The following DNAH11 variants were observed in gnomAD, a reference collection of about 807,000 sequenced individuals.
DNAH11 encodes the protein axonemal beta dynein heavy chain 11.
Under a neutral mutation model 526.0 loss-of-function variants are expected in DNAH11, and 442 were observed. The ratio of observed to expected loss-of-function variants is 0.84; its 90% CI spans 0.78 to 0.91. DNAH11 has a LOEUF of 0.91. DNAH11 is among the 40% of genes least tolerant of loss of function. The pLI is 0.00. For missense variants in DNAH11, 6,989 were observed against 5,448.7 expected (o/e 1.28, Z -8.90); for synonymous variants, 2,461 against 1,935.9 (o/e 1.27, Z -7.12).
chr7:21,671,310 A>G (rs557322842), intron 30 of DNAH11, among the ~76,000 whole-genome samples: 112 of 152,288 alleles, frequency 7.4e-4, no homozygotes, highest in South Asian at 2.3e-3. Context: ...GTCTGTGGCT[A>G]TTTTCACATC....
In DNAH11 at chr7:21,749,764, G is replaced by C; in HGVS notation, c.8760G>C (p.Glu2920Asp). The C allele has an allele frequency of 6.2e-7, 1 of 1,613,980 alleles. No homozygotes were observed. The highest frequency in any genetic ancestry group is 8.5e-7 in the Non-Finnish European group (1 of 1,179,870). ...FLLTDAQVLD[E>D]SFLVLINDLL... ...TGACAGATGCCCAGGTTCTAGATGA[G>C]AGCTTCCTCGTGCTGATTAATGACT... The change falls in exon 53 of 82, where the codon GAG becomes GAC. Residue 2920 changes from glutamate to aspartate, a missense_variant. By Grantham distance (45) the Glu-to-Asp change is conservative (BLOSUM62 2). Transcript: ENST00000409508.
chr7:21,589,156 G>T (rs879152597), intron 11 of DNAH11, 52 bp from the exon 12 acceptor site: 1 of 1,353,544 alleles, frequency 7.4e-7, no homozygotes, highest in Non-Finnish European at 1.0e-6. Flanking sequence ...ATTATTAAGC[G>T]GAAATCTATC....
chr7:21,889,284 T>G (rs890918540), intron 76 of DNAH11, among the ~76,000 whole-genome samples: 1 of 152,266 alleles, frequency 6.6e-6, no homozygotes, highest in East Asian at 1.9e-4. Flanking sequence ...CACATTTTGT[T>G]TATCTCATCT....
At chr7:21,876,737 TG>T (rs903816147) in intron 74 of DNAH11, among the ~76,000 whole-genome samples, 23 of 152,208 alleles carry the variant, frequency 1.5e-4, no homozygotes, top group African/African-American at 4.8e-4. Flanking sequence ...GACAGGAGGA[TG>T]GAAGAAGAAA....
In DNAH11 at chr7:21,880,763, A is replaced by G; in HGVS notation, c.12257A>G (p.Tyr4086Cys). Residue 4086 changes from tyrosine (Y) to cysteine (C), a missense_variant, in exon 75 of 82, where the codon TAC (tyrosine) becomes TGC (cysteine). By Grantham distance (194) the Tyr-to-Cys change is radical. Coordinates refer to ENST00000409508, the MANE Select transcript of DNAH11 (RefSeq NM_001277115.2). ...AAAAGCATCCTTTTTTCTCTCTGCT[A>G]CTTCCACGCCTGTGTTGCTGGGAGA... ...EFKSILFSLC[Y>C]FHACVAGRLR... is the part of the protein sequence containing the mutation. 2 of 1,613,980 alleles carry G rather than the reference A, an allele frequency of 1.2e-6. No individual in the cohort carries two copies. The highest frequency in any genetic ancestry group is 1.1e-5 in the South Asian group (1 of 91,082).
chr7:21,805,063 C>T (rs1789199859), intron 62 of DNAH11, among the ~76,000 whole-genome samples: 1 of 152,274 alleles, frequency 6.6e-6, no homozygotes, highest in Non-Finnish European at 1.5e-5. Flanking sequence ...ATCACTGGCT[C>T]TTCACTTTGT....
rs776376992 is a variant in DNAH11 at position 21,559,608 on chromosome 7, C to T, written c.698C>T (p.Pro233Leu). The T allele has an allele frequency of 1.1e-4, 182 of 1,599,630 alleles. No homozygotes were observed. Among genetic ancestry groups the T allele is most frequent in the Non-Finnish European group, 1.4e-4 (165 of 1,173,864 alleles). Reference sequence around the variant, plus strand: ...TATTATCTTAATGTTTGTAGGCCACCGTCAAACGAAAGGATAATACTTCAT... The same window carrying T: ...TATTATCTTAATGTTTGTAGGCCACTGTCAAACGAAAGGATAATACTTCAT... ...LDQNCSENKPPSNERIILHAI... is the reference protein window; with the variant it reads ...LDQNCSENKPLSNERIILHAI... The change falls in exon 4 of 82, where the codon CCG becomes CTG. Residue 233 changes from proline (P) to leucine (L), a missense_variant. Pro to Leu is a moderately conservative substitution (Grantham distance 98, BLOSUM62 -3). Transcript: ENST00000409508.
chr7:21,858,149 C>G (rs1424022500), intron 68 of DNAH11, among the ~76,000 whole-genome samples: 1 of 152,092 alleles, frequency 6.6e-6, no homozygotes, highest in Non-Finnish European at 1.5e-5. Context: ...CATCAGGCAT[C>G]AGAAAAATGC....
chr7:21,602,559 G>T lies in DNAH11; in HGVS notation c.3648+941G>T, dbSNP rs1468779624. Among the ~76,000 whole-genome samples the T allele has an allele frequency of 3.1e-3, 18 of 5,874 alleles. No individual in the cohort carries two copies. In the East Asian group the frequency reaches 0.071, roughly 23 times the overall value. The allele number at this position is 5,874 out of a possible 152,430, so 3.9% of individuals were successfully genotyped here. ...TGCCAATATTGATATTTTATAGATT[G>T]TGTGTGTGTGTGTGTGTGTGTGTGT... On this transcript the variant is annotated intron_variant, in intron 18 of 81. Transcript: ENST00000409508.
chr7:21,779,340 T>C (rs1397497741), intron 57 of DNAH11, among the ~76,000 whole-genome samples: 1 of 152,190 alleles, frequency 6.6e-6, no homozygotes, highest in African/African-American at 2.4e-5. Context: ...AATACTGAGC[T>C]CATTCAAGCA....
In DNAH11 at chr7:21,599,250, A is replaced by G. The variant is rs550908810; in HGVS notation, c.2668-537A>G. Among the ~76,000 whole-genome samples the G allele has an allele frequency of 5.3e-5, 8 of 152,270 alleles. No homozygotes were observed. In the South Asian group the frequency reaches 1.7e-3, roughly 32 times the overall value. ...CTGTGCAACCTCACCAGCATCTGTT[A>G]TTTTTTGACTTTTTAATAATAGCCT... On this transcript the variant is annotated intron_variant, in intron 14 of 81. Coordinates refer to ENST00000409508, the MANE Select transcript of DNAH11 (RefSeq NM_001277115.2).
intron 52 of DNAH11, 115 bp downstream of exon 52, chr7:21,748,857 C>CA (rs1786277503): frequency 7.4e-6 from 8 of 1,080,832 alleles, no homozygotes; most frequent in Non-Finnish European, 1.0e-5. Flanking sequence ...CCTCCCCAAC[C>CA]ACGGGAGAGC....
Position 21,888,831 on chromosome 7 carries a change from G to A in DNAH11, c.12508-3594G>A, listed in dbSNP as rs963839643. 2.6e-5 allele frequency among the ~76,000 whole-genome samples: 4 copies of A among 152,038 alleles called. No homozygotes were observed. In the East Asian group the frequency reaches 5.8e-4, roughly 22 times the overall value. ...TTTGATTATATTTTCATGATGTGGA[G>A]GTTCTTTCTGCCTGAGCATGATTCT... On this transcript the variant is annotated intron_variant, in intron 76 of 81. Transcript: ENST00000409508.
At chr7:21,650,953 T>TAAA (rs749284977) in intron 28 of DNAH11, among the ~76,000 whole-genome samples, 6 of 118,988 alleles carry the variant, frequency 5.0e-5, no homozygotes, top group African/African-American at 1.9e-4. Context: ...AACTGTTATT[T>TAAA]TAAAAAAAAA....
chr7:21,695,894 A>C (rs896982478), intron 35 of DNAH11, among the ~76,000 whole-genome samples: 1 of 147,428 alleles, frequency 6.8e-6, no homozygotes, highest in Non-Finnish European at 1.5e-5. Context: ...TTTAGAAGGA[A>C]AAAAAAACCC....
chr7:21,716,232 C>T (rs915630076), intron 42 of DNAH11, among the ~76,000 whole-genome samples: 3 of 152,192 alleles, frequency 2.0e-5, no homozygotes, highest in Admixed American at 2.0e-4. Flanking sequence ...AACTCTTGTG[C>T]CCAATAGGAC....
chr7:21,638,979 A>G lies in DNAH11; in HGVS notation c.4858A>G (p.Thr1620Ala). 1 of 1,613,072 alleles carries G rather than the reference A, an allele frequency of 6.2e-7. No individual in the cohort carries two copies. Residue 1620 changes from threonine to alanine, a missense_variant, in exon 28 of 82, where the codon ACC becomes GCC. Thr to Ala is a moderately conservative substitution (Grantham distance 58, BLOSUM62 0). Coordinates refer to ENST00000409508, the MANE Select transcript of DNAH11 (RefSeq NM_001277115.2). The stretch of plus-strand genomic sequence containing the variant: ...AAAAGCTCTCGCTGAATACCTGGAA[A>G]CCAAGCGCATAGCCTTTCCTCGCTT... ...CEKALAEYLE[T>A]KRIAFPRFYF...
At chr7:21,878,301 C>T (rs1337996726) in intron 74 of DNAH11, among the ~76,000 whole-genome samples, 1 of 152,066 alleles carries the variant, frequency 6.6e-6, no homozygotes, top group Non-Finnish European at 1.5e-5. Context: ...AGGATAAAGC[C>T]AAGTCATTTA....
At chr7:21,695,624 A>T (rs1783817470) in intron 35 of DNAH11, among the ~76,000 whole-genome samples, 1 of 152,236 alleles carries the variant, frequency 6.6e-6, no homozygotes, top group Non-Finnish European at 1.5e-5. Context: ...CATAAAACCT[A>T]AAACCATAAA....
Sources: gnomAD v4.1 joint callset for allele counts (sites outside exome capture counted in the v4.1 genomes callset) on GRCh38, gnomAD v4.1.1 for gene constraint, MANE v1.5 for transcripts, NCBI Gene and HGNC (gene_info 2026-07-23, HGNC 2026-07-21) for gene names.